ZNF804A: variants seen among roughly 807,000 people sequenced by gnomAD.
The protein encoded by ZNF804A is zinc finger protein 804A.
ZNF804A carries 2 observed loss-of-function variants against 16.5 expected under a neutral mutation model. The ratio of observed to expected loss-of-function variants is 0.12; its 90% confidence interval spans 0.05 to 0.38. The LOEUF (loss-of-function observed/expected upper bound fraction) is 0.38, where lower values mean the gene tolerates loss of function less well. ZNF804A is among the 10% of genes least tolerant of loss of function. ZNF804A has a pLI of 0.99. For synonymous variants in ZNF804A, 534 were observed against 489.6 expected, an observed-to-expected ratio of 1.09 and a Z score of -1.20; for missense variants, 1,473 against 1,390.7, an observed-to-expected ratio of 1.06 and a Z score of -0.94.
intron 1 of ZNF804A, among the ~76,000 whole-genome samples, chr2:184,819,063 G>A (rs1158481509): frequency 6.6e-6 from 1 of 151,988 alleles, no homozygotes; most frequent in Non-Finnish European, 1.5e-5. Flanking sequence ...AGATCAAGCA[G>A]ACCTGATAGA....
chr2:184,843,153 G>A (rs376963445), intron 1 of ZNF804A, among the ~76,000 whole-genome samples: 10 of 152,254 alleles, frequency 6.6e-5, no homozygotes, highest in African/African-American at 2.4e-4. Context: ...CTTTCTTTGA[G>A]CACAAGAGAT....
At chr2:184,628,849 T>C (rs1691553884) in intron 1 of ZNF804A, among the ~76,000 whole-genome samples, 1 of 152,202 alleles carries the variant, frequency 6.6e-6, no homozygotes, top group African/African-American at 2.4e-5. Context: ...GAGACTTTAT[T>C]GTTCATTCTC....
Position 184,684,512 on chromosome 2 carries a change from G to A in ZNF804A, c.111+85442G>A, listed in dbSNP as rs188856872. On this transcript the variant is annotated intron_variant, in intron 1 of 3. Transcript: ENST00000302277. ...TATGTATGGAGGCTGAGTATTTTTC[G>A]AGAGAATATTGTATATTTGCATGCT... Among the ~76,000 whole-genome samples the A allele has an allele frequency of 4.5e-3, 688 of 152,232 alleles. 4 individuals are homozygous for A. The highest frequency in any genetic ancestry group is 6.8e-3 in the Non-Finnish European group (465 of 68,000).
chr2:184,834,594 A>G (rs1558976515), intron 1 of ZNF804A, among the ~76,000 whole-genome samples: 1 of 152,046 alleles, frequency 6.6e-6, no homozygotes, highest in Non-Finnish European at 1.5e-5. Flanking sequence ...AAGAGTTCAT[A>G]CAGATATATT....
At chr2:184,917,236 T>C (rs990353039) in intron 2 of ZNF804A, among the ~76,000 whole-genome samples, 25 of 152,224 alleles carry the variant, frequency 1.6e-4, no homozygotes, top group African/African-American at 6.0e-4. Flanking sequence ...ATAAATGTAA[T>C]AACAAGGTCA....
chr2:184,688,109 A>C (rs1692667675), intron 1 of ZNF804A, among the ~76,000 whole-genome samples: 1 of 152,186 alleles, frequency 6.6e-6, no homozygotes. Context: ...ACACAGTGAG[A>C]CACTGTCTCA....
Position 184,665,779 on chromosome 2 carries a change from A to G in ZNF804A, c.111+66709A>G, listed in dbSNP as rs138065940. 5.0e-3 allele frequency among the ~76,000 whole-genome samples: 760 copies of G among 152,216 alleles called. 8 individuals carry two copies. Among genetic ancestry groups the G allele is most frequent in the African/African-American group, 0.017 (726 of 41,534 alleles). Reference sequence around the variant, plus strand: ...CCTGGGGGCTGCTATCTGCTTCTGGAAGTTGCCTGCATTTTTTTTTCTCCT... The same window carrying G: ...CCTGGGGGCTGCTATCTGCTTCTGGGAGTTGCCTGCATTTTTTTTTCTCCT... On this transcript the variant is annotated intron_variant, in intron 1 of 3. Transcript: ENST00000302277.
At chr2:184,762,032 G>A (rs536575054) in intron 1 of ZNF804A, among the ~76,000 whole-genome samples, 1 of 152,004 alleles carries the variant, frequency 6.6e-6, no homozygotes, top group African/African-American at 2.4e-5. Flanking sequence ...GTATAGCTTA[G>A]ATGCTGAAAG....
chr2:184,879,433 A>G (rs557564651), intron 2 of ZNF804A, among the ~76,000 whole-genome samples: 1 of 152,038 alleles, frequency 6.6e-6, no homozygotes, highest in Non-Finnish European at 1.5e-5. Context: ...CTTTTATTGT[A>G]TCACTCTTAT....
At chr2:184,640,171 C>T (rs1377184817) in intron 1 of ZNF804A, among the ~76,000 whole-genome samples, 1 of 144,540 alleles carries the variant, frequency 6.9e-6, no homozygotes, top group Non-Finnish European at 1.5e-5. Flanking sequence ...GACATTTTTA[C>T]CAAAGAAAAA....
intron 1 of ZNF804A, among the ~76,000 whole-genome samples, chr2:184,603,026 C>T (rs968613071): frequency 3.9e-5 from 6 of 152,132 alleles, no homozygotes; most frequent in Non-Finnish European, 5.9e-5. Context: ...ACTACTCATC[C>T]TCCACATGCA....
At chr2:184,895,791 T>G (rs1251422972) in intron 2 of ZNF804A, among the ~76,000 whole-genome samples, 1 of 152,254 alleles carries the variant, frequency 6.6e-6, no homozygotes, top group Admixed American at 6.5e-5. Flanking sequence ...AAAGTAAATT[T>G]GCAGTAAATC....
At chr2:184,933,263 A>T (rs1300061418) in intron 2 of ZNF804A, among the ~76,000 whole-genome samples, 6 of 152,118 alleles carry the variant, frequency 3.9e-5, no homozygotes, top group African/African-American at 1.2e-4. Flanking sequence ...AGCAAGTTGA[A>T]TTTTTTTGTA....
Position 184,866,406 on chromosome 2 carries a change from TGGAAGA to T in ZNF804A, c.150_155del (p.Glu51_Asp52del). The stretch of plus-strand genomic sequence containing the variant: ...AAGGAAAATACCATAGCAAAAGCTC[TGGAAGA>T]TCTGAAGGCAAATTTTTACTGTGAA... On this transcript the variant is annotated inframe_deletion, in exon 2 of 4. Coordinates refer to ENST00000302277, the MANE Select transcript of ZNF804A (RefSeq NM_194250.2). 3 of 1,613,296 alleles carry T rather than the reference TGGAAGA, an allele frequency of 1.9e-6. No individual in the cohort carries two copies. Among genetic ancestry groups the T allele is most frequent in the Non-Finnish European group, 2.5e-6 (3 of 1,179,562 alleles).
chr2:184,812,217 T>C (rs1376435189), intron 1 of ZNF804A, among the ~76,000 whole-genome samples: 1 of 152,158 alleles, frequency 6.6e-6, no homozygotes, highest in Non-Finnish European at 1.5e-5. Flanking sequence ...TCAACTAAAA[T>C]GAAAAATGGC....
intron 2 of ZNF804A, among the ~76,000 whole-genome samples, chr2:184,899,815 G>A (rs1685149105): frequency 6.6e-6 from 1 of 151,848 alleles, no homozygotes; most frequent in African/African-American, 2.4e-5. Context: ...TGCAAATAAT[G>A]CCTTGTGTTC....
intron 1 of ZNF804A, among the ~76,000 whole-genome samples, chr2:184,852,162 G>T (rs951827032): frequency 6.6e-6 from 1 of 151,606 alleles, no homozygotes; most frequent in Non-Finnish European, 1.5e-5. Flanking sequence ...GATCTACAGT[G>T]GATGCTTGAA....
chr2:184,809,706 T>A (rs1694862753), intron 1 of ZNF804A, among the ~76,000 whole-genome samples: 1 of 151,914 alleles, frequency 6.6e-6, no homozygotes, highest in East Asian at 1.9e-4. Flanking sequence ...GGGTCAAAAA[T>A]GCTACAAAAA....
At chr2:184,615,930 T>C (rs1206365624) in intron 1 of ZNF804A, among the ~76,000 whole-genome samples, 1 of 152,132 alleles carries the variant, frequency 6.6e-6, no homozygotes, top group African/African-American at 2.4e-5. Flanking sequence ...GATCCAGCTA[T>C]GTTGTTTCTA....
Sources: allele counts gnomAD v4.1 joint callset (sites outside exome capture counted in the v4.1 genomes callset), GRCh38; gene constraint gnomAD v4.1.1; transcripts MANE v1.5; gene names NCBI Gene and HGNC (gene_info 2026-07-23, HGNC 2026-07-21).